The following DMD variants were observed in gnomAD, a reference collection of about 807,000 sequenced individuals.
DMD encodes the protein dystrophin.
In DMD, 63 loss-of-function variants were observed where a neutral mutation model predicts 330.1. The observed-to-expected ratio is 0.19, with a 90% CI of 0.16 to 0.24. The LOEUF is 0.24. Among genes scored for constraint, DMD ranks in the 10% least tolerant of loss-of-function variants. The pLI, the probability that DMD is intolerant of heterozygous loss-of-function variation, is 1.00. For synonymous variants in DMD, 1,223 were observed against 959.8 expected, an observed-to-expected ratio of 1.27 and a Z score of -5.07; for missense variants, 3,344 against 2,684.1, an observed-to-expected ratio of 1.25 and a Z score of -5.43.
intron 16 of DMD, among the ~76,000 whole-genome samples, chrX:32,556,379 G>A (rs1265285639): frequency 9.0e-6 from 1 of 111,460 alleles, no homozygotes; most frequent in East Asian, 2.8e-4. Context: ...GTGTAAATTA[G>A]TTCAACCCTT....
chrX:32,745,115 T>G (rs1471191370), intron 7 of DMD, among the ~76,000 whole-genome samples: 2 of 111,638 alleles, frequency 1.8e-5, no homozygotes, highest in African/African-American at 3.3e-5. Context: ...AAGGGGGTGA[T>G]CTCAGTTGTT....
chrX:31,177,780 G>T, intron 71 of DMD, 152 bp downstream of exon 71: 1 of 447,496 alleles, frequency 2.2e-6, no homozygotes, highest in East Asian at 4.5e-5. Flanking sequence ...ATCAAGAAAA[G>T]AAAAAAAAAA....
At chrX:32,152,134 G>A (rs73456172) in intron 44 of DMD, among the ~76,000 whole-genome samples, 11,150 of 111,303 alleles carry the variant, frequency 0.1, 508 homozygotes, top group South Asian at 0.24. Flanking sequence ...AAAGAAGGCA[G>A]GATAACTTCC....
intron 18 of DMD, among the ~76,000 whole-genome samples, chrX:32,515,610 T>C (rs1394178592): frequency 8.9e-6 from 1 of 111,960 alleles, no homozygotes; most frequent in Non-Finnish European, 1.9e-5. Flanking sequence ...ATTCGAGTTG[T>C]TAGAATCTGT....
intron 37 of DMD, among the ~76,000 whole-genome samples, chrX:32,361,140 ATGTG>A (rs1443843928): frequency 9.1e-6 from 1 of 109,775 alleles, no homozygotes; most frequent in Non-Finnish European, 1.9e-5. Flanking sequence ...TAAAATGTGC[ATGTG>A]TGTGTGTCTA....
intron 52 of DMD, among the ~76,000 whole-genome samples, chrX:31,687,520 G>T (rs894976525): frequency 9.0e-6 from 1 of 111,637 alleles, no homozygotes; most frequent in African/African-American, 3.3e-5. Context: ...AACACCAGTG[G>T]AGGCCAAGCA....
At chrX:32,047,240 G>T (rs1040625218) in intron 44 of DMD, among the ~76,000 whole-genome samples, 4 of 111,158 alleles carry the variant, frequency 3.6e-5, no homozygotes, top group Middle Eastern at 4.8e-3. Flanking sequence ...ATGGTTCATT[G>T]AATGCTAGTC....
At chrX:33,002,850 G>GAAAAAAAAAAAAAAA (rs145168802) in intron 2 of DMD, among the ~76,000 whole-genome samples, 3 of 38,757 alleles carry the variant, frequency 7.7e-5, no homozygotes, top group Admixed American at 4.3e-4. Flanking sequence ...TTTTTTTCTC[G>GAAAAAAAAAAAAAAA]AAAAAAAAAA....
In DMD at chrX:33,211,340, T is replaced by C; in HGVS notation, c.-28A>G. 8.3e-7 allele frequency: 1 copy of C among 1,204,678 alleles called. No homozygotes were observed. Among genetic ancestry groups the C allele is most frequent in the Non-Finnish European group, 1.1e-6 (1 of 891,302 alleles). On this transcript the variant is annotated 5_prime_UTR_variant, in exon 1 of 79. Coordinates refer to ENST00000357033, the MANE Select transcript of DMD (RefSeq NM_004006.3). ...TGAAAAGTGTATATCAAGGCAGCGATAAAAAAAACCTGGTAAAAGTTCTTC... is the reference window on the plus strand; with the variant it reads ...TGAAAAGTGTATATCAAGGCAGCGACAAAAAAAACCTGGTAAAAGTTCTTC...
intron 42 of DMD, among the ~76,000 whole-genome samples, chrX:32,295,078 T>G (rs2097489937): frequency 8.9e-6 from 1 of 111,785 alleles, no homozygotes; most frequent in African/African-American, 3.2e-5. Flanking sequence ...GTCAAATCCC[T>G]TCTTAATTTT....
At chrX:33,245,059 C>T (rs2052644620) in intron 1 of DMD, among the ~76,000 whole-genome samples, 1 of 111,283 alleles carries the variant, frequency 9.0e-6, no homozygotes. Context: ...AAATATGTGA[C>T]TTCCTTCCTG....
chrX:31,740,368 C>T (rs1243875271), intron 51 of DMD, among the ~76,000 whole-genome samples: 1 of 111,677 alleles, frequency 9.0e-6, no homozygotes, highest in East Asian at 2.8e-4. Flanking sequence ...GATTCGCAGG[C>T]TTTTGATATT....
intron 7 of DMD, among the ~76,000 whole-genome samples, chrX:32,759,710 T>C: frequency 9.0e-6 from 1 of 111,609 alleles, no homozygotes; most frequent in Admixed American, 9.6e-5. Context: ...ACCTCAGAAA[T>C]TCAGATATGC....
chrX:31,466,719 G>T (rs1332091581), intron 59 of DMD, among the ~76,000 whole-genome samples: 1 of 111,604 alleles, frequency 9.0e-6, no homozygotes, highest in Non-Finnish European at 1.9e-5. Flanking sequence ...TAGCTTGATG[G>T]AGACTGCATT....
At chrX:32,133,622 C>A (rs909192605) in intron 44 of DMD, among the ~76,000 whole-genome samples, 12 of 111,274 alleles carry the variant, frequency 1.1e-4, no homozygotes, top group African/African-American at 3.6e-4. Flanking sequence ...CAGTTTAGGG[C>A]AACTTTATCC....
intron 39 of DMD, among the ~76,000 whole-genome samples, chrX:32,344,304 C>G (rs1436115745): frequency 1.8e-5 from 2 of 111,508 alleles, no homozygotes; most frequent in African/African-American, 3.3e-5. Context: ...TTGACCTTCT[C>G]TAAAATATTT....
At chrX:33,252,233 G>A (rs1157211025) in intron 1 of DMD, among the ~76,000 whole-genome samples, 1 of 111,749 alleles carries the variant, frequency 8.9e-6, no homozygotes, top group East Asian at 2.8e-4. Flanking sequence ...TTACAGGAAA[G>A]CATAAAACAA....
intron 67 of DMD, among the ~76,000 whole-genome samples, chrX:31,202,085 C>G (rs2043537414): frequency 9.0e-6 from 1 of 110,892 alleles, no homozygotes; most frequent in Non-Finnish European, 1.9e-5. Context: ...ACTCGGGAGG[C>G]TGAGGCATGA....
intron 53 of DMD, among the ~76,000 whole-genome samples, chrX:31,661,690 A>T (rs1214109421): frequency 9.0e-6 from 1 of 111,419 alleles, no homozygotes; most frequent in Non-Finnish European, 1.9e-5. Flanking sequence ...GCACTAGCTT[A>T]TAAAAAAAGA....
Sources: gnomAD v4.1 joint callset for allele counts (sites outside exome capture counted in the v4.1 genomes callset) on GRCh38, gnomAD v4.1.1 for gene constraint, MANE v1.5 for transcripts, NCBI Gene and HGNC (gene_info 2026-07-23, HGNC 2026-07-21) for gene names.